Variants in IPMK observed in about 807,000 individuals in gnomAD.
The protein encoded by IPMK is inositol 1,3,4,6-tetrakisphosphate 5-kinase.
Under a neutral mutation model 45.8 loss-of-function variants are expected in IPMK, and 17 were observed. That is an observed-to-expected ratio of 0.37 (90% CI 0.25 to 0.56). The LOEUF is 0.56. Among genes scored for constraint, IPMK ranks in the 20% least tolerant of loss-of-function variants. The pLI, the probability that IPMK is intolerant of heterozygous loss-of-function variation, is 0.79. For missense variants in IPMK, 399 were observed against 498.0 expected (o/e 0.80, Z 1.89); for synonymous variants, 180 against 184.3 (o/e 0.98, Z 0.19).
intron 3 of IPMK, among the ~76,000 whole-genome samples, chr10:58,221,999 T>C (rs9416678): frequency 0.15 from 22,779 of 152,200 alleles, 2,335 homozygotes; most frequent in African/African-American, 0.29. Flanking sequence ...TCCACCCGCC[T>C]CAGCCTCCTA....
intron 1 of IPMK, among the ~76,000 whole-genome samples, chr10:58,240,816 G>A (rs758777970): frequency 6.1e-4 from 92 of 150,422 alleles, no homozygotes; most frequent in Middle Eastern, 3.4e-3. Flanking sequence ...AGAACTCCCA[G>A]AAGTTGCAAA....
chr10:58,225,366 C>T (rs986528793), intron 3 of IPMK, among the ~76,000 whole-genome samples: 15 of 152,068 alleles, frequency 9.9e-5, no homozygotes, highest in Admixed American at 9.8e-4. Flanking sequence ...AAGATAGAGG[C>T]CAAATATTTT....
At chr10:58,214,650 T>C (rs1838217480) in intron 4 of IPMK, among the ~76,000 whole-genome samples, 1 of 152,248 alleles carries the variant, frequency 6.6e-6, no homozygotes, top group South Asian at 2.1e-4. Flanking sequence ...ACAATTTATC[T>C]ATCATGCTTC....
intron 1 of IPMK, among the ~76,000 whole-genome samples, chr10:58,243,125 C>T (rs1405347810): frequency 6.6e-6 from 1 of 151,962 alleles, no homozygotes; most frequent in Non-Finnish European, 1.5e-5. Context: ...TGAACTAATA[C>T]ACTATCCTAG....
chr10:58,214,708 T>C (rs1022020858), intron 4 of IPMK, among the ~76,000 whole-genome samples: 3 of 152,244 alleles, frequency 2.0e-5, no homozygotes, highest in Middle Eastern at 3.2e-3. Context: ...CCATATATCA[T>C]TTTACATGAA....
At chr10:58,213,278 C>T (rs764859379) in intron 4 of IPMK, among the ~76,000 whole-genome samples, 5 of 152,206 alleles carry the variant, frequency 3.3e-5, no homozygotes, top group African/African-American at 1.2e-4. Context: ...TGCTGATAAA[C>T]ATTCATGAGT....
intron 1 of IPMK, among the ~76,000 whole-genome samples, chr10:58,263,942 A>G (rs557874758): frequency 6.6e-6 from 1 of 152,280 alleles, no homozygotes; most frequent in Non-Finnish European, 1.5e-5. Flanking sequence ...ATATGTTACA[A>G]ATGAAAGGAC....
At chr10:58,218,387 A>G (rs902584912) in intron 3 of IPMK, among the ~76,000 whole-genome samples, 4 of 152,232 alleles carry the variant, frequency 2.6e-5, no homozygotes, top group Non-Finnish European at 5.9e-5. Context: ...AAAGAAGCAC[A>G]GGACATTTAC....
At chr10:58,200,309 A>G (rs1837978576) in intron 4 of IPMK, among the ~76,000 whole-genome samples, 1 of 151,948 alleles carries the variant, frequency 6.6e-6, no homozygotes, top group Non-Finnish European at 1.5e-5. Flanking sequence ...AGTAGAGGTG[A>G]GGTTTCACCA....
At chr10:58,224,372 T>C (rs1838382271) in intron 3 of IPMK, among the ~76,000 whole-genome samples, 1 of 152,212 alleles carries the variant, frequency 6.6e-6, no homozygotes, top group Non-Finnish European at 1.5e-5. Flanking sequence ...TATACACAGG[T>C]ACAAAAGATA....
intron 1 of IPMK, among the ~76,000 whole-genome samples, chr10:58,258,187 G>A (rs1208489262): frequency 6.6e-6 from 1 of 152,136 alleles, no homozygotes; most frequent in Non-Finnish European, 1.5e-5. Flanking sequence ...GTGCGTGCCT[G>A]TAATCCCAGC....
At chr10:58,261,125 G>A (rs1839060005) in intron 1 of IPMK, among the ~76,000 whole-genome samples, 1 of 149,664 alleles carries the variant, frequency 6.7e-6, no homozygotes, top group Non-Finnish European at 1.5e-5. Flanking sequence ...AAAAAATGAG[G>A]AGGAACTCTA....
chr10:58,196,759 T>C, intron 5 of IPMK, 61 bp from the exon 6 acceptor site: 2 of 1,141,982 alleles, frequency 1.8e-6, no homozygotes, highest in Non-Finnish European at 2.5e-6. Context: ...ATTTGGGAAG[T>C]AAACTCATCA....
In IPMK at chr10:58,207,147, C is replaced by T. The variant is rs554932881; in HGVS notation, c.547-7826G>A. On this transcript the variant is annotated intron_variant, in intron 4 of 5. Transcript: ENST00000373935. The stretch of plus-strand genomic sequence containing the variant: ...CCTCCTGAGTAGCTAGGACTACAGG[C>T]ACCCACCACCAAGCCTGGCTAAATG... Among the ~76,000 whole-genome samples, 59 of 152,312 alleles carry T rather than the reference C, an allele frequency of 3.9e-4. 2 individuals are homozygous for T. The highest frequency in any genetic ancestry group is 1.3e-3 in the African/African-American group (56 of 41,578).
chr10:58,204,077 T>C (rs1182217862), intron 4 of IPMK, among the ~76,000 whole-genome samples: 2 of 152,124 alleles, frequency 1.3e-5, no homozygotes, highest in Admixed American at 6.5e-5. Flanking sequence ...AAAAACATAA[T>C]GCAACCAGGC....
intron 3 of IPMK, among the ~76,000 whole-genome samples, chr10:58,225,799 T>C (rs1838405318): frequency 6.6e-6 from 1 of 152,188 alleles, no homozygotes; most frequent in East Asian, 1.9e-4. Flanking sequence ...ATCTCATTTA[T>C]AGCATTCCTG....
chr10:58,216,588 T>C (rs542246027), intron 3 of IPMK, among the ~76,000 whole-genome samples: 5 of 151,972 alleles, frequency 3.3e-5, no homozygotes, highest in African/African-American at 9.6e-5. Flanking sequence ...TCCAACAATA[T>C]TAAAAAGGCA....
chr10:58,264,074 ATAGAT>A (rs1285649927), intron 1 of IPMK, among the ~76,000 whole-genome samples: 3 of 152,244 alleles, frequency 2.0e-5, no homozygotes, highest in Non-Finnish European at 4.4e-5. Flanking sequence ...ACTATGGACT[ATAGAT>A]TAAAGTATTA....
chr10:58,212,648 G>GAA, intron 4 of IPMK: 2 of 240,426 alleles, frequency 8.3e-6, no homozygotes, highest in South Asian at 1.4e-4. Context: ...CACCAGTAAA[G>GAA]AACTAGTAGC....
Sources: gnomAD v4.1 joint callset for allele counts (sites outside exome capture counted in the v4.1 genomes callset) on GRCh38, gnomAD v4.1.1 for gene constraint, MANE v1.5 for transcripts, NCBI Gene and HGNC (gene_info 2026-07-23, HGNC 2026-07-21) for gene names.